C16orf46: variants seen among roughly 807,000 people sequenced by gnomAD.
C16orf46 encodes chromosome 16 open reading frame 46.
Under a neutral mutation model 5.5 loss-of-function variants are expected in C16orf46, and 7 were observed. The observed-to-expected ratio is 1.28, with a 90% confidence interval of 0.73 to 2.40. The LOEUF (loss-of-function observed/expected upper bound fraction) is 2.40, where lower values mean the gene tolerates loss of function less well. C16orf46 is among the 30% of genes most tolerant of loss of function. The pLI, the probability that C16orf46 is intolerant of heterozygous loss-of-function variation, is 0.00. For missense variants in C16orf46, 614 were observed against 476.0 expected (o/e 1.29, Z -2.70); for synonymous variants, 200 against 184.1 (o/e 1.09, Z -0.70).
chr16:81,066,183 T>G lies in C16orf46; in HGVS notation c.-39+10A>C, dbSNP rs1365879497. 6.6e-6 allele frequency: 1 copy of G among 151,996 alleles called. No individual in the cohort carries two copies. Among genetic ancestry groups the G allele is most frequent in the Non-Finnish European group, 1.5e-5 (1 of 67,982 alleles). 9.4% of individuals were successfully genotyped at this position (151,996 alleles called of 1,614,324 possible). On this transcript the variant is annotated intron_variant, in intron 2 of 3. Coordinates refer to ENST00000299578, the MANE Select transcript of C16orf46 (RefSeq NM_152337.3). The stretch of plus-strand genomic sequence containing the variant: ...AGTATTATTAATCAGAAGGTCAGAT[T>G]ACTGCATACCAGATCACCAGATGCA...
chr16:81,062,030 T>C lies in C16orf46; in HGVS notation c.319A>G (p.Asn107Asp). 6.2e-7 allele frequency: 1 copy of C among 1,613,782 alleles called. No homozygotes were observed. Among genetic ancestry groups the C allele is most frequent in the Non-Finnish European group, 8.5e-7 (1 of 1,179,986 alleles). ...GACSDCLVCV[N>D]LSHWSLQTKP... ...GTCTGGAGGCTCCAGTGGGAGAGGTTAACACACACCAAGCAGTCGCTGCAG... is the reference window on the plus strand; with the variant it reads ...GTCTGGAGGCTCCAGTGGGAGAGGTCAACACACACCAAGCAGTCGCTGCAG... The change falls in exon 4 of 4, where the codon AAC becomes GAC. Residue 107 changes from asparagine to aspartate, a missense_variant. By Grantham distance (23) the Asn-to-Asp change is conservative (BLOSUM62 1). Coordinates refer to ENST00000299578, the MANE Select transcript of C16orf46 (RefSeq NM_152337.3).
intron 1 of C16orf46, among the ~76,000 whole-genome samples, chr16:81,072,533 C>T (rs1177063799): frequency 2.6e-5 from 4 of 151,658 alleles, no homozygotes; most frequent in Admixed American, 1.3e-4. Flanking sequence ...TATAGGCATG[C>T]GCCATCATGC....
At chr16:81,074,921 C>T (rs945722610) in intron 1 of C16orf46, among the ~76,000 whole-genome samples, 3 of 152,138 alleles carry the variant, frequency 2.0e-5, no homozygotes, top group South Asian at 2.1e-4. Context: ...GTAGACAGTT[C>T]GCAACCTAAC....
intron 1 of C16orf46, among the ~76,000 whole-genome samples, chr16:81,067,117 C>T (rs1250392721): frequency 2.0e-5 from 3 of 151,856 alleles, no homozygotes; most frequent in Non-Finnish European, 4.4e-5. Flanking sequence ...TATTTGGAAA[C>T]GAAAGAAAGA....
downstream of C16orf46, among the ~76,000 whole-genome samples, chr16:81,059,428 G>A (rs1380961466): frequency 2.0e-5 from 3 of 151,280 alleles, no homozygotes; most frequent in Non-Finnish European, 4.4e-5. Context: ...CTACTCCATC[G>A]TTTGGAGACA....
At chr16:81,069,737 A>G (rs1041632373) in intron 1 of C16orf46, 3 of 152,238 alleles carry the variant, frequency 2.0e-5, no homozygotes, top group Non-Finnish European at 4.4e-5. Context: ...ATCACTGAAA[A>G]TAGAATCCAG....
chr16:81,060,253 C>T (rs1317634543), downstream of C16orf46, among the ~76,000 whole-genome samples: 1 of 152,142 alleles, frequency 6.6e-6, no homozygotes, highest in Non-Finnish European at 1.5e-5. Flanking sequence ...GAGGGTGTGA[C>T]ACCCTGGACG....
chr16:81,077,026 T>TTTCGCC (rs1434942291), intron 1 of C16orf46, 110 bp downstream of exon 1: 1 of 152,406 alleles, frequency 6.6e-6, no homozygotes, highest in Non-Finnish European at 1.5e-5. Flanking sequence ...TGCCTCTGCC[T>TTTCGCC]TTCGCTCCCT....
intron 3 of C16orf46, 102 bp from the exon 4 acceptor site, chr16:81,062,240 T>C (rs930888341): frequency 2.0e-6 from 2 of 999,554 alleles, no homozygotes; most frequent in African/African-American, 1.6e-5. Flanking sequence ...TGTGAAACAA[T>C]ATTCTTATTT....
At chr16:81,059,120 T>C (rs953279566), downstream of C16orf46, among the ~76,000 whole-genome samples, 1 of 151,878 alleles carries the variant, frequency 6.6e-6, no homozygotes, top group African/African-American at 2.4e-5. Context: ...AATGGCGTCA[T>C]CTCGGCTCAC....
chr16:81,069,730 A>C (rs1364336314), intron 1 of C16orf46: 2 of 152,204 alleles, frequency 1.3e-5, no homozygotes, highest in Non-Finnish European at 2.9e-5. Flanking sequence ...ATTTATCATC[A>C]CTGAAAATAG....
chr16:81,073,403 T>TA (rs1305298599), intron 1 of C16orf46, among the ~76,000 whole-genome samples: 1 of 152,158 alleles, frequency 6.6e-6, no homozygotes, highest in Admixed American at 6.5e-5. Context: ...TGGGTAAAAA[T>TA]ACCTGCTGCA....
rs151140874 is a variant in C16orf46 at position 81,053,669 on chromosome 16, T to C, written c.*402A>G. On this transcript the variant is annotated 3_prime_UTR_variant, in exon 4 of 4. Coordinates refer to the C16orf46 transcript ENST00000378611. ...GAAGCAAGTTACTATTACAGAACAT[T>C]AGGCTGCAAAAAAGAAACAACAAAA... 9.7e-5 allele frequency: 16 copies of C among 164,444 alleles called. No homozygotes were observed. In the East Asian group the frequency reaches 2.7e-3, roughly 28 times the overall value. The allele number at this position is 164,444 out of a possible 1,614,324, so 10.2% of individuals were successfully genotyped here.
intron 1 of C16orf46, among the ~76,000 whole-genome samples, chr16:81,070,455 C>G (rs1188432471): frequency 6.6e-6 from 1 of 152,136 alleles, no homozygotes; most frequent in African/African-American, 2.4e-5. Context: ...ACACATAGGT[C>G]AATGCGCCAG....
intron 3 of C16orf46, among the ~76,000 whole-genome samples, chr16:81,062,543 C>G (rs1342725437): frequency 6.6e-6 from 1 of 152,116 alleles, no homozygotes; most frequent in East Asian, 1.9e-4. Flanking sequence ...AAAATGAAAA[C>G]CGTTCATACT....
chr16:81,065,162 G>C (rs987531310), intron 2 of C16orf46, among the ~76,000 whole-genome samples: 4 of 152,144 alleles, frequency 2.6e-5, no homozygotes, highest in African/African-American at 9.7e-5. Context: ...TTCTGGGTCT[G>C]TTTGCTCATC....
chr16:81,065,097 G>C (rs905818910), intron 2 of C16orf46, among the ~76,000 whole-genome samples: 1 of 152,182 alleles, frequency 6.6e-6, no homozygotes, highest in African/African-American at 2.4e-5. Flanking sequence ...GAGCCAAAGA[G>C]CTGAACAGTT....
rs773071105 is a variant in C16orf46 at position 81,061,957 on chromosome 16, G to A, written c.392C>T (p.Ser131Phe). Residue 131 changes from serine (S) to phenylalanine (F), a missense_variant, in exon 4 of 4, where the codon TCC (serine) becomes TTC (phenylalanine). Transcript: ENST00000299578. ...GCCCTGGGGGGCTGCCTGAGTCTGG[G>A]AGGGGCTGCTCTGATCCTTCTCTGG... ...GGPEKDQSSP[S>F]QTQAAPQGPS... 8 of 1,614,088 alleles carry A rather than the reference G, an allele frequency of 5.0e-6. No individual in the cohort carries two copies. The highest frequency in any genetic ancestry group is 6.8e-6 in the Non-Finnish European group (8 of 1,180,056).
chr16:81,065,038 T>TG (rs11463080), intron 2 of C16orf46, among the ~76,000 whole-genome samples: 130,812 of 152,182 alleles, frequency 0.86, 59,089 homozygotes, highest in Non-Finnish European at 0.99. Flanking sequence ...AAAATGCACT[T>TG]GGCATTTAGA....
Sources: gnomAD v4.1 joint callset for allele counts (sites outside exome capture counted in the v4.1 genomes callset) on GRCh38, gnomAD v4.1.1 for gene constraint, MANE v1.5 for transcripts, NCBI Gene and HGNC (gene_info 2026-07-23, HGNC 2026-07-21) for gene names.